C12orf42: variants seen among roughly 807,000 people sequenced by gnomAD.
C12orf42 encodes chromosome 12 open reading frame 42.
In C12orf42, 25 loss-of-function variants were observed where a neutral mutation model predicts 21.6. That is an observed-to-expected ratio of 1.16 (90% CI 0.84 to 1.62). The LOEUF (loss-of-function observed/expected upper bound fraction) is 1.62. C12orf42 is among the 40% of genes most tolerant of loss of function. C12orf42 has a pLI of 0.00. For synonymous variants in C12orf42, 174 were observed against 175.0 expected (o/e 0.99, Z 0.05); for missense variants, 483 against 459.3 (o/e 1.05, Z -0.47).
At chr12:103,531,619 G>A in the C12orf42 span, among the ~76,000 whole-genome samples, 1 of 152,116 alleles carries the variant, frequency 6.6e-6, no homozygotes, top group African/African-American at 2.4e-5. Flanking sequence ...TACATTTTGG[G>A]TAAGAGAATA....
chr12:103,445,112 G>A (rs1380248436), intron 2 of C12orf42, among the ~76,000 whole-genome samples: 5 of 151,774 alleles, frequency 3.3e-5, no homozygotes, highest in Admixed American at 6.6e-5. Flanking sequence ...CCCCCATACC[G>A]TCTCTCAGGG....
chr12:103,401,959 T>C (rs2048037111), intron 2 of C12orf42, among the ~76,000 whole-genome samples: 1 of 152,100 alleles, frequency 6.6e-6, no homozygotes, highest in Admixed American at 6.5e-5. Flanking sequence ...ATACATGTGA[T>C]GAAAGAGAGA....
the C12orf42 span, among the ~76,000 whole-genome samples, chr12:103,184,358 G>A: frequency 2.6e-5 from 4 of 152,124 alleles, no homozygotes; most frequent in Admixed American, 2.0e-4. Context: ...TGTTAATATA[G>A]TAAATTAGTG....
chr12:103,058,251 G>A, the C12orf42 span, among the ~76,000 whole-genome samples: 21 of 152,184 alleles, frequency 1.4e-4, no homozygotes, highest in Admixed American at 1.2e-3. Flanking sequence ...CACCTTGCCC[G>A]GCCGATGAGC....
chr12:103,536,562 CAAG>C, the C12orf42 span, among the ~76,000 whole-genome samples: 1 of 152,088 alleles, frequency 6.6e-6, no homozygotes, highest in East Asian at 1.9e-4. Flanking sequence ...AAGACATTGG[CAAG>C]AAGGATGAGA....
At chr12:103,166,829 C>CT in the C12orf42 span, among the ~76,000 whole-genome samples, 12 of 151,642 alleles carry the variant, frequency 7.9e-5, no homozygotes, top group African/African-American at 2.4e-4. Flanking sequence ...TTTCATCCAT[C>CT]TTTTTTTTTC....
chr12:103,436,912 A>G, intron 2 of C12orf42, among the ~76,000 whole-genome samples: 1 of 148,448 alleles, frequency 6.7e-6, no homozygotes, highest in Admixed American at 6.7e-5. Flanking sequence ...GACCTAATAG[A>G]CATCTACAGA....
intron 3 of C12orf42, among the ~76,000 whole-genome samples, chr12:103,381,255 A>T (rs1250357862): frequency 2.0e-5 from 3 of 152,208 alleles, no homozygotes; most frequent in Admixed American, 6.5e-5. Context: ...GGTTCTTAAG[A>T]CAGTATGGAG....
the C12orf42 span, among the ~76,000 whole-genome samples, chr12:103,074,301 A>AC: frequency 8.5e-5 from 13 of 152,164 alleles, no homozygotes; most frequent in Non-Finnish European, 1.3e-4. Context: ...TTTTTCGGGC[A>AC]CCATAAAAAA....
chr12:103,092,332 C>T, the C12orf42 span, among the ~76,000 whole-genome samples: 5,025 of 152,184 alleles, frequency 0.033, 259 homozygotes, highest in African/African-American at 0.11. Context: ...AAATTCCTTA[C>T]ACACACTCTT....
At chr12:103,254,471 G>C (rs367600233) in intron 10 of C12orf42, among the ~76,000 whole-genome samples, 2 of 152,092 alleles carry the variant, frequency 1.3e-5, no homozygotes, top group East Asian at 3.8e-4. Context: ...TACACTACGA[G>C]GCTACAGTAA....
chr12:103,508,690 T>A, the C12orf42 span, among the ~76,000 whole-genome samples: 1 of 152,214 alleles, frequency 6.6e-6, no homozygotes, highest in Non-Finnish European at 1.5e-5. Context: ...CTTATAAATA[T>A]GTGTGTCCTA....
At chr12:103,408,962 G>C (rs1354225097) in intron 2 of C12orf42, among the ~76,000 whole-genome samples, 1 of 152,090 alleles carries the variant, frequency 6.6e-6, no homozygotes, top group South Asian at 2.1e-4. Flanking sequence ...GATTAACATA[G>C]TAAATTCTTT....
At chr12:103,214,553 A>C in the C12orf42 span, among the ~76,000 whole-genome samples, 5 of 151,646 alleles carry the variant, frequency 3.3e-5, no homozygotes, top group Non-Finnish European at 5.9e-5. Flanking sequence ...ACGGGCCAAC[A>C]AGCTGTGATT....
At chr12:103,096,370 C>A in the C12orf42 span, among the ~76,000 whole-genome samples, 1 of 152,024 alleles carries the variant, frequency 6.6e-6, no homozygotes, top group Non-Finnish European at 1.5e-5. Context: ...ATTCGTAGGA[C>A]ATAAATGCCT....
At chr12:103,056,485 T>C in the C12orf42 span, among the ~76,000 whole-genome samples, 1 of 152,190 alleles carries the variant, frequency 6.6e-6, no homozygotes, top group Non-Finnish European at 1.5e-5. Flanking sequence ...GTTTATGTCT[T>C]GTGACAAATT....
chr12:103,337,728 G>A (rs1355215853), intron 4 of C12orf42, among the ~76,000 whole-genome samples: 2 of 152,084 alleles, frequency 1.3e-5, no homozygotes, highest in Non-Finnish European at 2.9e-5. Context: ...ATCCTTGTAT[G>A]GTAGCCACGC....
At chr12:103,180,346 G>A in the C12orf42 span, among the ~76,000 whole-genome samples, 1 of 152,054 alleles carries the variant, frequency 6.6e-6, no homozygotes, top group Non-Finnish European at 1.5e-5. Context: ...TGGCAATAAC[G>A]AACTAAAGAT....
intron 4 of C12orf42, among the ~76,000 whole-genome samples, chr12:103,331,661 CTG>C (rs2041248873): frequency 6.6e-6 from 1 of 152,190 alleles, no homozygotes; most frequent in South Asian, 2.1e-4. Context: ...GCAGAGGTAA[CTG>C]TGTCTTGAAG....
Sources: gnomAD v4.1 joint callset for allele counts (sites outside exome capture counted in the v4.1 genomes callset) on GRCh38, gnomAD v4.1.1 for gene constraint, MANE v1.5 for transcripts, NCBI Gene and HGNC (gene_info 2026-07-23, HGNC 2026-07-21) for gene names.